The following POU2F3 variants were observed in gnomAD, a reference collection of about 807,000 sequenced individuals.
POU2F3 encodes POU class 2 homeobox 3, also known as POU domain, class 2, transcription factor 3.
POU2F3 carries 23 observed loss-of-function variants against 59.2 expected under a neutral mutation model. That is an observed-to-expected ratio of 0.39 (90% CI 0.28 to 0.55). The LOEUF (loss-of-function observed/expected upper bound fraction) is 0.55, where lower values mean the gene tolerates loss of function less well. POU2F3 is among the 20% of genes least tolerant of loss of function. The probability of loss-of-function intolerance (pLI) is 0.66; values close to 1 mark genes in which losing one functional copy is unlikely to be tolerated. For missense variants in POU2F3, 473 were observed against 544.5 expected (o/e 0.87, Z 1.31); for synonymous variants, 190 against 214.6 (o/e 0.89, Z 1.00).
chr11:120,307,420 A>G, intron 8 of POU2F3, 59 bp from the exon 9 acceptor site: 1 of 1,587,642 alleles, frequency 6.3e-7, no homozygotes, highest in Middle Eastern at 1.7e-4. Context: ...CAGATCCATG[A>G]AGGCACCGGC....
At chr11:120,253,815 G>A (rs181845285) in intron 2 of POU2F3, among the ~76,000 whole-genome samples, 39 of 152,302 alleles carry the variant, frequency 2.6e-4, no homozygotes, top group East Asian at 5.8e-4. Context: ...TGTGGCCTCC[G>A]TGAGCAATGG....
At chr11:120,258,625 A>G (rs1293499197) in intron 2 of POU2F3, among the ~76,000 whole-genome samples, 1 of 152,008 alleles carries the variant, frequency 6.6e-6, no homozygotes, top group East Asian at 1.9e-4. Flanking sequence ...CTCTTATTTA[A>G]CTTCCTTTGA....
intron 2 of POU2F3, among the ~76,000 whole-genome samples, chr11:120,264,232 C>CACAA (rs1939729808): frequency 7.0e-6 from 1 of 143,304 alleles, no homozygotes; most frequent in African/African-American, 2.6e-5. Flanking sequence ...CACACACACA[C>CACAA]AATTAGCTGA....
At chr11:120,288,128 C>CAAAAAAAAAAAAAAAAAAAAAAAACAA in intron 3 of POU2F3, among the ~76,000 whole-genome samples, 13 of 63,320 alleles carry the variant, frequency 2.1e-4, no homozygotes, top group Non-Finnish European at 2.6e-4. Context: ...ACAAAAAAAC[C>CAAAAAAAAAAAAAAAAAAAAAAAACAA]AAAAAAAAAA....
At chr11:120,301,247 G>A in intron 5 of POU2F3, 1 of 361,600 alleles carries the variant, frequency 2.8e-6, no homozygotes, top group Non-Finnish European at 5.4e-6. Flanking sequence ...TGGGATAATA[G>A]CAAGGCTCTG....
intron 2 of POU2F3, among the ~76,000 whole-genome samples, chr11:120,268,193 G>A (rs1939917370): frequency 6.6e-6 from 1 of 151,852 alleles, no homozygotes; most frequent in Admixed American, 6.6e-5. Context: ...ATACAGAGTG[G>A]TATATATCCA....
chr11:120,296,622 A>G (rs957374238), intron 3 of POU2F3, among the ~76,000 whole-genome samples: 3 of 152,050 alleles, frequency 2.0e-5, no homozygotes, highest in African/African-American at 7.2e-5. Flanking sequence ...GATTTAGCTC[A>G]CACTTATAAG....
chr11:120,310,852 A>G (rs1338631438), intron 10 of POU2F3, among the ~76,000 whole-genome samples: 1 of 152,182 alleles, frequency 6.6e-6, no homozygotes, highest in Non-Finnish European at 1.5e-5. Flanking sequence ...GTCCCAGAGG[A>G]CCTCACTGCC....
chr11:120,277,638 C>T (rs917904971), intron 3 of POU2F3, among the ~76,000 whole-genome samples: 13 of 151,962 alleles, frequency 8.6e-5, no homozygotes, highest in East Asian at 1.9e-4. Flanking sequence ...AAAAATTAGC[C>T]GGGCGCAGTG....
intron 6 of POU2F3, chr11:120,302,661 C>T (rs1941380643): frequency 2.9e-6 from 1 of 348,912 alleles, no homozygotes; most frequent in South Asian, 4.9e-5. Flanking sequence ...AGCATTGCTC[C>T]TCTGAGAGCC....
chr11:120,267,372 A>G (rs1458211839), intron 2 of POU2F3, among the ~76,000 whole-genome samples: 5 of 151,884 alleles, frequency 3.3e-5, no homozygotes, highest in African/African-American at 4.8e-5. Context: ...CAAATGATAG[A>G]CCCACCTGGG....
intron 10 of POU2F3, among the ~76,000 whole-genome samples, chr11:120,310,103 A>C (rs1451143270): frequency 1.3e-5 from 2 of 152,220 alleles, no homozygotes; most frequent in African/African-American, 4.8e-5. Context: ...GAGCTGGTTG[A>C]CACAGGCTGC....
chr11:120,249,129 C>T (rs765681479), intron 2 of POU2F3, among the ~76,000 whole-genome samples: 54 of 152,270 alleles, frequency 3.5e-4, no homozygotes, highest in African/African-American at 8.9e-4. Context: ...CTGGTGGAGA[C>T]GTGGCCGGGG....
intron 1 of POU2F3, among the ~76,000 whole-genome samples, chr11:120,242,911 G>A (rs932658538): frequency 1.3e-5 from 2 of 152,106 alleles, no homozygotes; most frequent in African/African-American, 2.4e-5. Flanking sequence ...AGCCAGCTAG[G>A]GAGGCAGATA....
intron 2 of POU2F3, among the ~76,000 whole-genome samples, chr11:120,252,135 A>G (rs1246609446): frequency 6.6e-6 from 1 of 150,542 alleles, no homozygotes; most frequent in Non-Finnish European, 1.5e-5. Context: ...CAGTGCCTGG[A>G]AGTCCTTTCT....
Position 120,270,290 on chromosome 11 carries a change from A to C in POU2F3, c.132+1046A>C, listed in dbSNP as rs571035848. 8.5e-5 allele frequency among the ~76,000 whole-genome samples: 13 copies of C among 152,198 alleles called. No homozygotes were observed. In the South Asian group the frequency reaches 2.7e-3, roughly 32 times the overall value. On this transcript the variant is annotated intron_variant, in intron 3 of 12. Transcript: ENST00000543440. ...AAGGAGCTCAAAGTCTAGTATAAGG[A>C]CGGGGTGGAATGTCTATAGAGAGAG... is the stretch of plus-strand genomic sequence containing the variant.
intron 9 of POU2F3, among the ~76,000 whole-genome samples, chr11:120,308,886 C>T (rs1002744565): frequency 5.6e-5 from 7 of 125,250 alleles, no homozygotes; most frequent in African/African-American, 1.8e-4. Context: ...TTGCAGTGAG[C>T]GGAGATCGCG....
intron 11 of POU2F3, 75 bp from the exon 12 acceptor site, chr11:120,317,154 T>C (rs1941809417): frequency 6.4e-7 from 1 of 1,561,562 alleles, no homozygotes. Flanking sequence ...AATTTGTGTC[T>C]GAGGGGCTAT....
At position 120,272,157 on chromosome 11, in the gene POU2F3, A is replaced by G. The variant is rs533371069; in HGVS notation, c.132+2913A>G. The stretch of plus-strand genomic sequence containing the variant: ...CTCCTTTAATTCTCACTCTAAACCA[A>G]TGAGGTAGGTGATACGATCCTCATT... On this transcript the variant is annotated intron_variant, in intron 3 of 12. Transcript: ENST00000543440. Among the ~76,000 whole-genome samples, 30 of 152,178 alleles carry G rather than the reference A, an allele frequency of 2.0e-4. No homozygotes were observed. The East Asian group carries it at 5.4e-3, about 27-fold the overall frequency.
Sources: gnomAD v4.1 joint callset for allele counts (sites outside exome capture counted in the v4.1 genomes callset) on GRCh38, gnomAD v4.1.1 for gene constraint, MANE v1.5 for transcripts, NCBI Gene and HGNC (gene_info 2026-07-23, HGNC 2026-07-21) for gene names.